BTNL8: variants seen among roughly 807,000 people sequenced by gnomAD.
The protein encoded by BTNL8 is butyrophilin like 8.
Under a neutral mutation model 36.1 loss-of-function variants are expected in BTNL8, and 22 were observed. The ratio of observed to expected loss-of-function variants is 0.61; its 90% CI spans 0.44 to 0.87. BTNL8 has a LOEUF of 0.87. Ranked by LOEUF, BTNL8 falls within the 40% of genes least tolerant of loss-of-function variation. BTNL8 has a pLI of 0.00. For synonymous variants in BTNL8, 203 were observed against 235.6 expected (o/e 0.86, Z 1.27); for missense variants, 526 against 616.9 (o/e 0.85, Z 1.56).
chr5:180,911,430 C>A lies in BTNL8; in HGVS notation c.489C>A (p.Pro163=). 1 of 1,614,218 alleles carries A rather than the reference C, an allele frequency of 6.2e-7. No homozygotes were observed. Among genetic ancestry groups the A allele is most frequent in the African/African-American group, 1.3e-5 (1 of 75,054 alleles). The change falls in exon 3 of 8, where the codon CCC becomes CCA. Residue 163 remains proline, a synonymous_variant. Coordinates refer to ENST00000340184, the MANE Select transcript of BTNL8 (RefSeq NM_001040462.3). ...AGTCCTCGGGCTGGTTCCCCCGGCC[C>A]ACAGCGAAGTGGAAAGGTCCACAAG... The part of the protein sequence containing the change: ...LCQSSGWFPR[P]TAKWKGPQGQ...
rs764929768 is a variant in BTNL8 at position 180,908,900 on chromosome 5, T to A, written c.364T>A (p.Tyr122Asn). 1 of 1,613,908 alleles carries A rather than the reference T, an allele frequency of 6.2e-7. No individual in the cohort carries two copies. Among genetic ancestry groups the A allele is most frequent in the Admixed American group, 1.7e-5 (1 of 60,024 alleles). Residue 122 changes from tyrosine to asparagine, a missense_variant, in exon 2 of 8, where the codon TAC becomes AAC. Physicochemically the swap from Tyr to Asn is moderately radical, Grantham distance 143. This residue lies in a region of BTNL8 where 350 missense variants were observed against 324.6 expected (regional missense o/e 1.08). Coordinates refer to ENST00000340184, the MANE Select transcript of BTNL8 (RefSeq NM_001040462.3). ...YGCRISSQSY[Y>N]QKAIWELQVS... is the part of the protein sequence containing the mutation. ...GTGCAGGATTAGTTCCCAGTCTTAC[T>A]ACCAGAAGGCCATCTGGGAGCTACA...
chr5:180,944,922 GTC>G (rs1759165077), intron 3 of BTNL8, among the ~76,000 whole-genome samples: 1 of 152,136 alleles, frequency 6.6e-6, no homozygotes, highest in South Asian at 2.1e-4. Context: ...ATTCAATACA[GTC>G]TCTCTCAAGA....
At chr5:180,906,701 C>T (rs1240201221) in intron 1 of BTNL8, among the ~76,000 whole-genome samples, 1 of 113,084 alleles carries the variant, frequency 8.8e-6, no homozygotes, top group Non-Finnish European at 1.7e-5. Flanking sequence ...TTCAGGAGCT[C>T]TTGTAAGGCA....
Position 180,908,815 on chromosome 5 carries a change from G to T in BTNL8, c.279G>T (p.Ala93=), listed in dbSNP as rs17141274. The change falls in exon 2 of 8, where the codon GCG becomes GCT. Residue 93 remains alanine, a synonymous_variant. Transcript: ENST00000340184. ...GRTKLVKDSI[A]EGRISLRLEN... ...CAAAACTGGTGAAGGATTCTATTGCGGAGGGGCGCATCTCTCTGAGGCTGG... is the reference window on the plus strand; with the variant it reads ...CAAAACTGGTGAAGGATTCTATTGCTGAGGGGCGCATCTCTCTGAGGCTGG... 1 of 1,614,030 alleles carries T rather than the reference G, an allele frequency of 6.2e-7. No homozygotes were observed. The highest frequency in any genetic ancestry group is 8.5e-7 in the Non-Finnish European group (1 of 1,180,018).
At chr5:180,906,128 A>T (rs1757072580) in intron 1 of BTNL8, among the ~76,000 whole-genome samples, 1 of 143,676 alleles carries the variant, frequency 7.0e-6, no homozygotes, top group Non-Finnish European at 1.5e-5. Context: ...GGGGTGTTAA[A>T]GTCTCCCATT....
intron 5 of BTNL8, 76 bp from the exon 6 acceptor site, chr5:180,948,844 T>C (rs529792021): frequency 3.7e-6 from 2 of 537,906 alleles, no homozygotes; most frequent in Non-Finnish European, 6.4e-6. Context: ...AGGGATTCCC[T>C]CCCACGCCCT....
At chr5:180,903,259 T>C (rs1208918736) in intron 1 of BTNL8, among the ~76,000 whole-genome samples, 1 of 118,276 alleles carries the variant, frequency 8.5e-6, no homozygotes, top group Non-Finnish European at 1.7e-5. Flanking sequence ...TTGATTTGCA[T>C]TTCTCTGATG....
chr5:180,906,351 CT>C (rs1757086548), intron 1 of BTNL8, among the ~76,000 whole-genome samples: 2 of 121,448 alleles, frequency 1.6e-5, no homozygotes, highest in African/African-American at 8.3e-5. Flanking sequence ...CAACCCCTGC[CT>C]TTTTTTGTTT....
rs541442712 is a variant in BTNL8, at chr5:180,949,677, T to C, written c.863-227T>C. ...AAGGGACAGTGGCAGGGTTGGGTGA[T>C]ATGCCGAGATTGGGACGTCATATTG... On this transcript the variant is annotated intron_variant, in intron 7 of 7. Coordinates refer to ENST00000340184, the MANE Select transcript of BTNL8 (RefSeq NM_001040462.3). 374 of 590,372 alleles carry C rather than the reference T, an allele frequency of 6.3e-4. 44 individuals are homozygous for C. In the South Asian group the frequency reaches 7.1e-3, roughly 11 times the overall value. The allele number at this position is 590,372 out of a possible 1,614,324, so 36.6% of individuals were successfully genotyped here.
intron 3 of BTNL8, among the ~76,000 whole-genome samples, chr5:180,938,726 CG>C (rs1758784453): frequency 6.6e-6 from 1 of 151,480 alleles, no homozygotes; most frequent in Non-Finnish European, 1.5e-5. Flanking sequence ...TTAGTAGAGA[CG>C]GGGTTTCGCC....
chr5:180,935,646 C>T lies in BTNL8; in HGVS notation c.674-11866C>T, dbSNP rs778419874. Among the ~76,000 whole-genome samples the T allele has an allele frequency of 2.1e-4, 32 of 152,306 alleles. No homozygotes were observed. The highest frequency in any genetic ancestry group is 3.4e-3 in the Middle Eastern group (1 of 294). Reference sequence around the variant, plus strand: ...ACAGTGATGCCTGGGTCTGGAGCTGCGGCTGGGTGACTGCAGTTGTGCCCC... The same window carrying T: ...ACAGTGATGCCTGGGTCTGGAGCTGTGGCTGGGTGACTGCAGTTGTGCCCC... On this transcript the variant is annotated intron_variant, in intron 3 of 7. Coordinates refer to ENST00000340184, the MANE Select transcript of BTNL8 (RefSeq NM_001040462.3). This position sits in a 1 kb window ranked among gnomAD's most constrained non-coding sequence, Gnocchi z 4.8.
rs1195687574 is a variant in BTNL8 at position 180,950,492 on chromosome 5, G to A, written c.1451G>A (p.Ser484Asn). Residue 484 changes from serine to asparagine, a missense_variant, in exon 8 of 8, where the codon AGT becomes AAT. By Grantham distance (46) the Ser-to-Asn change is conservative (BLOSUM62 1). Transcript: ENST00000340184. ...TCTGCAATCCCAGAGACAAGCAACA[G>A]TGAGTCCTCCTCACAGGCAACCACG... ...RASAIPETSN[S>N]ESSSQATTPF... 6.8e-7 allele frequency: 1 copy of A among 1,463,732 alleles called. No homozygotes were observed. The highest frequency in any genetic ancestry group is 2.4e-5 in the East Asian group (1 of 40,976). The allele number at this position is 1,463,732 out of a possible 1,614,324, so 90.7% of individuals were successfully genotyped here. A position where few individuals can be genotyped will look rare whatever the true frequency, so the allele number is the denominator to read the frequency against.
chr5:180,929,411 A>G (rs2113826529), intron 3 of BTNL8, among the ~76,000 whole-genome samples: 1 of 152,356 alleles, frequency 6.6e-6, no homozygotes, highest in African/African-American at 2.4e-5. Context: ...GAACTACAGA[A>G]GCAAGAGCAA....
Position 180,927,444 on chromosome 5 carries a change from T to C in BTNL8, c.673+15830T>C, listed in dbSNP as rs576543553. Among the ~76,000 whole-genome samples the C allele has an allele frequency of 3.3e-5, 5 of 152,280 alleles. No individual in the cohort carries two copies. In the South Asian group the frequency reaches 1.0e-3, roughly 32 times the overall value. On this transcript the variant is annotated intron_variant, in intron 3 of 7. Transcript: ENST00000340184. ...TTCTGTTCCAAAGGATTACAACTCC[T>C]CACCAGCAAGGGAACAAAACCGGAT...
At chr5:180,934,565 G>A (rs1226565849) in intron 3 of BTNL8, among the ~76,000 whole-genome samples, 1 of 152,228 alleles carries the variant, frequency 6.6e-6, no homozygotes, top group Non-Finnish European at 1.5e-5. Context: ...TGGCTGCTGT[G>A]GTGGAGCAGG....
intron 1 of BTNL8, among the ~76,000 whole-genome samples, 169 bp downstream of exon 1, chr5:180,899,528 C>T (rs1451529154): frequency 6.6e-6 from 1 of 152,182 alleles, no homozygotes; most frequent in Non-Finnish European, 1.5e-5. Context: ...ATAGTAGCCC[C>T]CAAATAATGG....
At chr5:180,932,147 A>G (rs771856956) in intron 3 of BTNL8, among the ~76,000 whole-genome samples, 2 of 152,002 alleles carry the variant, frequency 1.3e-5, no homozygotes, top group Non-Finnish European at 2.9e-5. Context: ...CATAAGTGGA[A>G]GTTGAACAAT....
At chr5:180,926,368 G>A (rs534994027) in intron 3 of BTNL8, among the ~76,000 whole-genome samples, 3 of 152,290 alleles carry the variant, frequency 2.0e-5, no homozygotes, top group African/African-American at 7.2e-5. Flanking sequence ...CACCACCCGG[G>A]CCCTGGGTTT....
intron 3 of BTNL8, among the ~76,000 whole-genome samples, chr5:180,913,223 C>T (rs1757486129): frequency 6.6e-6 from 1 of 152,138 alleles, no homozygotes; most frequent in African/African-American, 2.4e-5. Flanking sequence ...CCAGTGAAAG[C>T]AGTCTCAGTC....
Sources: gnomAD v4.1 joint callset for allele counts (sites outside exome capture counted in the v4.1 genomes callset) on GRCh38, gnomAD v4.1.1 for gene constraint, gnomAD v4.1.1 regional missense constraint, Gnocchi (gnomAD v3.1) non-coding constraint, MANE v1.5 for transcripts, NCBI Gene and HGNC (gene_info 2026-07-23, HGNC 2026-07-21) for gene names.